TP53BP1: variants seen among roughly 807,000 people sequenced by gnomAD.
TP53BP1 encodes tumor protein p53 binding protein 1.
Under a neutral mutation model 200.8 loss-of-function variants are expected in TP53BP1, and 61 were observed. The ratio of observed to expected loss-of-function variants is 0.30; its 90% CI spans 0.25 to 0.38. The LOEUF is 0.38. TP53BP1 is among the 10% of genes least tolerant of loss of function. The pLI is 1.00. For missense variants in TP53BP1, 2,144 were observed against 2,371.9 expected (o/e 0.90, Z 2.00); for synonymous variants, 822 against 844.3 (o/e 0.97, Z 0.46).
At position 43,422,075 on chromosome 15, in the gene TP53BP1, G is replaced by A. The variant is rs768257837; in HGVS notation, c.3880C>T (p.Pro1294Ser). 12 of 1,614,102 alleles carry A rather than the reference G, an allele frequency of 7.4e-6. No homozygotes were observed. The highest frequency in any genetic ancestry group is 1.0e-5 in the Non-Finnish European group (12 of 1,180,028). Residue 1294 changes from proline (P) to serine (S), a missense_variant, in exon 19 of 28, where the codon CCT (proline) becomes TCT (serine). By Grantham distance (74) the Pro-to-Ser change is moderately conservative. This residue lies in a region of TP53BP1 where 1,700 missense variants were observed against 1,710.3 expected (regional missense o/e 0.99). Coordinates refer to ENST00000382044, the MANE Select transcript of TP53BP1 (RefSeq NM_001141980.3). Reference protein sequence around the residue: ...ECQECETEVSPSQTGGSSGDL... With the variant: ...ECQECETEVSSSQTGGSSGDL... The stretch of plus-strand genomic sequence containing the variant: ...CCTGAGGAGCCCCCAGTCTGTGAAG[G>A]GGAAACTTCAGTTTCACACTCCTGA...
At position 43,403,711 on chromosome 15, in the gene TP53BP1, A is replaced by C. The variant is rs1263645431; in HGVS notation, c.*3672T>G. On this transcript the variant is annotated 3_prime_UTR_variant, in exon 28 of 28. Transcript: ENST00000382044. ...TTTCACTGCCTGAATGAAATCCTAG[A>C]TCTCTGTCACAGTTTTTGTTCGCTG... 5 of 1,612,962 alleles carry C rather than the reference A, an allele frequency of 3.1e-6. No homozygotes were observed. Among genetic ancestry groups the C allele is most frequent in the Non-Finnish European group, 4.2e-6 (5 of 1,179,924 alleles).
intron 11 of TP53BP1, among the ~76,000 whole-genome samples, chr15:43,462,487 C>A (rs1446428194): frequency 6.6e-6 from 1 of 150,860 alleles, no homozygotes; most frequent in Non-Finnish European, 1.5e-5. Flanking sequence ...TTTTTTTTTT[C>A]TTTTGGTGGG....
chr15:43,480,498 G>A (rs1420798338), intron 5 of TP53BP1, among the ~76,000 whole-genome samples: 1 of 151,646 alleles, frequency 6.6e-6, no homozygotes, highest in African/African-American at 2.4e-5. Flanking sequence ...AAGATGAAGG[G>A]GGAAAATGTG....
chr15:43,480,059 A>G, intron 5 of TP53BP1, 42 bp from the exon 6 acceptor site: 1 of 1,584,814 alleles, frequency 6.3e-7, no homozygotes, highest in Non-Finnish European at 8.6e-7. Context: ...ATCCCACAAC[A>G]TTATGCAATG....
intron 4 of TP53BP1, among the ~76,000 whole-genome samples, chr15:43,486,180 C>T (rs1408932755): frequency 6.6e-6 from 1 of 151,940 alleles, no homozygotes; most frequent in Non-Finnish European, 1.5e-5. Flanking sequence ...AGTTCAAGAC[C>T]AGCCTGACGA....
chr15:43,477,542 A>G (rs775178940), intron 8 of TP53BP1, 51 bp downstream of exon 8: 1 of 1,507,404 alleles, frequency 6.6e-7, no homozygotes, highest in Non-Finnish European at 8.9e-7. Context: ...GAACTAAAGT[A>G]AAAGTTTAGA....
chr15:43,421,212 T>C, intron 19 of TP53BP1, 38 bp from the exon 20 acceptor site: 1 of 1,606,414 alleles, frequency 6.2e-7, no homozygotes. Flanking sequence ...TAGCACCTGC[T>C]ACTGAATCTT....
Position 43,404,004 on chromosome 15 carries a change from C to G in TP53BP1, c.*3379G>C. 1.7e-6 allele frequency: 1 copy of G among 582,940 alleles called. No individual in the cohort carries two copies. Among genetic ancestry groups the G allele is most frequent in the South Asian group, 2.1e-5 (1 of 47,400 alleles). 36.1% of individuals were successfully genotyped at this position (582,940 alleles called of 1,614,324 possible). A position where few individuals can be genotyped will look rare whatever the true frequency, so the allele number is the denominator to read the frequency against. On this transcript the variant is annotated 3_prime_UTR_variant, in exon 28 of 28. Transcript: ENST00000382044. ...CACCTCACAGTGCTCAAAAATAGTT[C>G]AGTCCTGAATAGTTTATTCAGCCCA...
chr15:43,414,580 G>A (rs1046574911), intron 23 of TP53BP1, among the ~76,000 whole-genome samples: 5 of 152,178 alleles, frequency 3.3e-5, no homozygotes, highest in African/African-American at 1.2e-4. Flanking sequence ...CATAGCAGCT[G>A]GGCCTGGGTC....
chr15:43,471,792 TAAAAGA>T (rs1053896656), intron 10 of TP53BP1, among the ~76,000 whole-genome samples: 3 of 152,210 alleles, frequency 2.0e-5, no homozygotes, highest in African/African-American at 7.2e-5. Context: ...AGATAAAAGA[TAAAAGA>T]AACTGTTTTA....
In TP53BP1 at chr15:43,413,216, G is replaced by T. The variant is rs1272138487; in HGVS notation, c.5208C>A (p.Gly1736=). 5.0e-6 allele frequency: 8 copies of T among 1,614,082 alleles called. No individual in the cohort carries two copies. The African/African-American group carries it at 1.1e-4, about 22-fold the overall frequency. Residue 1736 remains glycine, a synonymous_variant, in exon 24 of 28, where the codon GGC becomes GGA. Coordinates refer to ENST00000382044, the MANE Select transcript of TP53BP1 (RefSeq NM_001141980.3). ...PLPLNKTLFL[G]YAFLLTMATT... ...TGGCCATGGTAAGGAGAAATGCGTA[G>T]CCCAGAAACAAGGTCTTGTTGAGAG...
intron 27 of TP53BP1, 158 bp downstream of exon 27, chr15:43,407,785 A>G (rs1463108961): frequency 2.5e-6 from 2 of 812,126 alleles, no homozygotes; most frequent in Non-Finnish European, 3.9e-6. Flanking sequence ...CCAGTGCTTC[A>G]CTTATGTTGA....
Position 43,432,560 on chromosome 15 carries a change from G to A in TP53BP1, c.3309C>T (p.Asp1103=). Residue 1103 remains aspartate, a synonymous_variant, in exon 17 of 28, where the codon GAC becomes GAT. Coordinates refer to ENST00000382044, the MANE Select transcript of TP53BP1 (RefSeq NM_001141980.3). ...TCTTCTGGGAAGCAGGAGAAACAGG[G>A]TCCTTGACAGGACTAATGGGCTTCA... The part of the protein sequence containing the change: ...QPMKPISPVK[D]PVSPASQKMV... 2 of 1,614,150 alleles carry A rather than the reference G, an allele frequency of 1.2e-6. No individual in the cohort carries two copies. The highest frequency in any genetic ancestry group is 4.5e-5 in the East Asian group (2 of 44,886).
intron 11 of TP53BP1, among the ~76,000 whole-genome samples, chr15:43,461,668 A>G (rs2046435429): frequency 6.8e-6 from 1 of 146,270 alleles, no homozygotes; most frequent in African/African-American, 2.5e-5. Context: ...GTGGATATAC[A>G]TTATATTTTT....
Position 43,415,701 on chromosome 15 carries a change from C to A in TP53BP1, c.4982G>T (p.Ser1661Ile). The A allele has an allele frequency of 6.2e-7, 1 of 1,614,180 alleles. No individual in the cohort carries two copies. Among genetic ancestry groups the A allele is most frequent in the Non-Finnish European group, 8.5e-7 (1 of 1,180,026 alleles). ...GAGAACTCCCATGGAGGCACGAGGA[C>A]TTTCTGTGATCTTTCGGGTAGGGGT... ...STTPTRKITESPRASMGVLSG... is the reference protein window; with the variant it reads ...STTPTRKITEIPRASMGVLSG... The change falls in exon 23 of 28, where the codon AGT becomes ATT. Residue 1661 changes from serine (S) to isoleucine (I), a missense_variant. This residue lies in a region of TP53BP1 where 334 missense variants were observed against 453.4 expected (regional missense o/e 0.74). Transcript: ENST00000382044.
Position 43,480,949 on chromosome 15 carries a change from T to C in TP53BP1, c.445A>G (p.Lys149Glu), listed in dbSNP as rs2078956127. The C allele has an allele frequency of 6.2e-7, 1 of 1,614,092 alleles. No individual in the cohort carries two copies. Among genetic ancestry groups the C allele is most frequent in the Non-Finnish European group, 8.5e-7 (1 of 1,179,990 alleles). Residue 149 changes from lysine to glutamate, a missense_variant, in exon 5 of 28, where the codon AAA becomes GAA. Around this residue, in one of 4 missense-constraint regions of TP53BP1, gnomAD observed 1,700 missense variants for 1,710.3 expected, o/e 0.99. Transcript: ENST00000382044. ...CCTGAAGTATCTTCTTCCTTCTCTT[T>C]CTCCTTCTGTTCCAACTCTTCTCCC... ...EKGEELEQKE[K>E]EKEEDTSGNT... is the part of the protein sequence containing the mutation.
intron 4 of TP53BP1, among the ~76,000 whole-genome samples, chr15:43,487,516 G>C (rs896804995): frequency 6.6e-6 from 1 of 152,106 alleles, no homozygotes; most frequent in African/African-American, 2.4e-5. Flanking sequence ...CATATGGCCG[G>C]GCACAGTGAC....
chr15:43,505,486 A>G (rs1165257676), intron 1 of TP53BP1, among the ~76,000 whole-genome samples: 3 of 152,218 alleles, frequency 2.0e-5, no homozygotes, highest in East Asian at 3.8e-4. Context: ...TGGTATTGAT[A>G]AATTATTTTT....
At chr15:43,437,359 A>G (rs2045822477) in intron 16 of TP53BP1, among the ~76,000 whole-genome samples, 1 of 152,192 alleles carries the variant, frequency 6.6e-6, no homozygotes, top group South Asian at 2.1e-4. Context: ...ACCGTAGGGC[A>G]CGGTGGCTCA....
Sources: allele counts gnomAD v4.1 joint callset (sites outside exome capture counted in the v4.1 genomes callset), GRCh38; gene constraint gnomAD v4.1.1; regional missense constraint gnomAD v4.1.1; transcripts MANE v1.5; gene names NCBI Gene and HGNC (gene_info 2026-07-23, HGNC 2026-07-21).